Variants in RAB33B observed in about 807,000 individuals in gnomAD.
RAB33B encodes the protein RAB33B, member RAS oncogene family, also known as ras-related protein Rab-33B.
RAB33B carries 6 observed loss-of-function variants against 15.0 expected under a neutral mutation model. The observed-to-expected ratio is 0.40, with a 90% confidence interval of 0.22 to 0.79. The LOEUF is 0.79. Ranked by LOEUF, RAB33B falls within the 30% of genes least tolerant of loss-of-function variation. The probability of loss-of-function intolerance (pLI) is 0.37; values close to 1 mark genes in which losing one functional copy is unlikely to be tolerated. For synonymous variants in RAB33B, 117 were observed against 108.3 expected (o/e 1.08, Z -0.50); for missense variants, 257 against 296.4 (o/e 0.87, Z 0.98).
At chr4:139,464,001 G>C (rs923912996) in intron 1 of RAB33B, among the ~76,000 whole-genome samples, 1 of 152,248 alleles carries the variant, frequency 6.6e-6, no homozygotes, top group African/African-American at 2.4e-5. Context: ...GGCTGGGCAT[G>C]ATGGCTTTTG....
At chr4:139,461,826 C>A (rs949899956) in intron 1 of RAB33B, among the ~76,000 whole-genome samples, 3 of 151,850 alleles carry the variant, frequency 2.0e-5, no homozygotes, top group Admixed American at 2.0e-4. Context: ...ATCGCTTGAA[C>A]CTGGGAGGCA....
At chr4:139,448,119 C>T in the RAB33B span, among the ~76,000 whole-genome samples, 1 of 152,130 alleles carries the variant, frequency 6.6e-6, no homozygotes, top group Non-Finnish European at 1.5e-5. Flanking sequence ...TAAGGTGTCT[C>T]TTAGTATTAC....
chr4:139,442,735 G>T, the RAB33B span, among the ~76,000 whole-genome samples: 1 of 152,056 alleles, frequency 6.6e-6, no homozygotes, highest in East Asian at 1.9e-4. Flanking sequence ...CCTATTGTGG[G>T]ACCTTGTGAT....
At chr4:139,453,670 C>A (rs1013073241), upstream of RAB33B, 2 of 152,332 alleles carry the variant, frequency 1.3e-5, no homozygotes, top group East Asian at 1.9e-4. Context: ...CCGGAGCCGT[C>A]GGCTCCGTCC....
At chr4:139,455,758 G>GA (rs1268352625) in intron 1 of RAB33B, among the ~76,000 whole-genome samples, 1 of 152,196 alleles carries the variant, frequency 6.6e-6, no homozygotes, top group African/African-American at 2.4e-5. Flanking sequence ...CCTTTGGGGT[G>GA]AAAAATAATG....
chr4:139,440,878 T>G, the RAB33B span, among the ~76,000 whole-genome samples: 1 of 152,202 alleles, frequency 6.6e-6, no homozygotes, highest in Non-Finnish European at 1.5e-5. Flanking sequence ...CCCAAAGTGC[T>G]AGGATTACAG....
Position 139,454,340 on chromosome 4 carries a change from C to G in RAB33B, c.145C>G (p.Leu49Val), listed in dbSNP as rs753943143. ...IGDSNVGKTC[L>V]TYRFCAGRFP... ...CGACTCCAATGTGGGCAAGACATGC[C>G]TGACCTACCGCTTCTGCGCTGGCCG... is the stretch of plus-strand genomic sequence containing the variant. The change falls in exon 1 of 2, where the codon CTG (leucine) becomes GTG (valine). Residue 49 changes from leucine to valine, a missense_variant. Transcript: ENST00000305626. 133 of 1,614,038 alleles carry G rather than the reference C, an allele frequency of 8.2e-5. No individual in the cohort carries two copies. Among genetic ancestry groups the G allele is most frequent in the Admixed American group, 1.2e-4 (7 of 60,014 alleles).
At chr4:139,443,349 C>T in the RAB33B span, among the ~76,000 whole-genome samples, 3 of 152,178 alleles carry the variant, frequency 2.0e-5, no homozygotes, top group African/African-American at 7.2e-5. Flanking sequence ...TCCTGATTCA[C>T]CACTTGTGAG....
rs531884289 is a variant in RAB33B at position 139,464,457 on chromosome 4, T to C, written c.250-8229T>C. Among the ~76,000 whole-genome samples, 8 of 147,452 alleles carry C rather than the reference T, an allele frequency of 5.4e-5. No individual in the cohort carries two copies. The East Asian group carries it at 1.7e-3, about 31-fold the overall frequency. ...ATTCAATGTGCAGGTTTGTTACATA[T>C]GTATACATGTGCCATGTTGGTGTGC... On this transcript the variant is annotated intron_variant, in intron 1 of 1. Coordinates refer to ENST00000305626, the MANE Select transcript of RAB33B (RefSeq NM_031296.3).
rs757709966 is a variant in RAB33B at position 139,454,437 on chromosome 4, G to C, written c.242G>C (p.Arg81Pro). 2 of 1,608,036 alleles carry C rather than the reference G, an allele frequency of 1.2e-6. No homozygotes were observed. Among genetic ancestry groups the C allele is most frequent in the Non-Finnish European group, 1.7e-6 (2 of 1,179,822 alleles). ...CGAGCGGTGGAGATTGATGGGGAGC[G>C]CATCAAGGTGAGCGGATGGGGAACT... ...RERAVEIDGERIKIQLWDTAG... is the reference protein window; with the variant it reads ...RERAVEIDGEPIKIQLWDTAG... Residue 81 changes from arginine (R) to proline (P), a missense_variant, in exon 1 of 2, where the codon CGC (arginine) becomes CCC (proline). Arg to Pro is a moderately radical substitution (Grantham distance 103, BLOSUM62 -2). Coordinates refer to ENST00000305626, the MANE Select transcript of RAB33B (RefSeq NM_031296.3).
At chr4:139,443,621 A>G in the RAB33B span, among the ~76,000 whole-genome samples, 1 of 152,250 alleles carries the variant, frequency 6.6e-6, no homozygotes, top group Non-Finnish European at 1.5e-5. Flanking sequence ...GACCTGCAAC[A>G]AAAGGTGCAT....
At position 139,475,485 on chromosome 4, in the gene RAB33B, TTATA is replaced by T. The variant is rs1002224031; in HGVS notation, c.*2365_*2368del. 4 of 151,972 alleles carry T rather than the reference TTATA, an allele frequency of 2.6e-5. No homozygotes were observed. The highest frequency in any genetic ancestry group is 9.7e-5 in the African/African-American group (4 of 41,450). 9.4% of individuals were successfully genotyped at this position (151,972 alleles called of 1,614,324 possible). On this transcript the variant is annotated 3_prime_UTR_variant, in exon 2 of 2. Transcript: ENST00000305626. ...ATTTGTAACAATTTGTTTTAATTTT[TTATA>T]TATATGTTTTTATTTTTAAAAAACA...
the RAB33B span, among the ~76,000 whole-genome samples, chr4:139,440,494 C>A: frequency 7.2e-5 from 11 of 152,204 alleles, no homozygotes; most frequent in African/African-American, 2.4e-4. Flanking sequence ...GTACTTTTTG[C>A]CCCCCTAGCT....
At position 139,454,155 on chromosome 4, in the gene RAB33B, T is replaced by C. The variant is rs773290825; in HGVS notation, c.-41T>C. 6.4e-7 allele frequency: 1 copy of C among 1,574,188 alleles called. No homozygotes were observed. Among genetic ancestry groups the C allele is most frequent in the Non-Finnish European group, 8.6e-7 (1 of 1,159,882 alleles). Reference sequence around the variant, plus strand: ...GTGGCGTAATCTCTCAGCCTTTCTGTGTCTCCTTTCCTCCGCCTCAGTTTG... The same window carrying C: ...GTGGCGTAATCTCTCAGCCTTTCTGCGTCTCCTTTCCTCCGCCTCAGTTTG... On this transcript the variant is annotated 5_prime_UTR_variant, in exon 1 of 2. Coordinates refer to ENST00000305626, the MANE Select transcript of RAB33B (RefSeq NM_031296.3).
Position 139,466,584 on chromosome 4 carries a change from C to CT in RAB33B, c.250-6090dup, listed in dbSNP as rs552134078. Among the ~76,000 whole-genome samples the CT allele has an allele frequency of 8.2e-3, 1,179 of 144,022 alleles. 7 individuals are homozygous for CT. Among genetic ancestry groups the CT allele is most frequent in the African/African-American group, 0.02 (811 of 39,690 alleles). 94.5% of individuals were successfully genotyped at this position (144,022 alleles called of 152,430 possible). On this transcript the variant is annotated intron_variant, in intron 1 of 1. Coordinates refer to ENST00000305626, the MANE Select transcript of RAB33B (RefSeq NM_031296.3). ...TCAAGGGTCTTTTCTTTTCTTTTTT[C>CT]TTTTTTTTTTTTGAGACATAGTCTT...
At position 139,472,883 on chromosome 4, in the gene RAB33B, A is replaced by C; in HGVS notation, c.447A>C (p.Lys149Asn). ...TACCACGGATTCTTGTTGGAAATAA[A>C]TGTGACTTGAGAAGTGCCATACAGG... ...NDIPRILVGN[K>N]CDLRSAIQVP... is the part of the protein sequence containing the mutation. The change falls in exon 2 of 2, where the codon AAA becomes AAC. Residue 149 changes from lysine to asparagine, a missense_variant. Coordinates refer to ENST00000305626, the MANE Select transcript of RAB33B (RefSeq NM_031296.3). 6.2e-7 allele frequency: 1 copy of C among 1,614,222 alleles called. No homozygotes were observed. The highest frequency in any genetic ancestry group is 2.2e-5 in the East Asian group (1 of 44,892).
At chr4:139,466,626 T>A (rs979178410) in intron 1 of RAB33B, among the ~76,000 whole-genome samples, 1 of 152,042 alleles carries the variant, frequency 6.6e-6, no homozygotes, top group African/African-American at 2.4e-5. Context: ...TCACCCAGGC[T>A]GGAGTGCAGT....
chr4:139,470,311 G>A lies in RAB33B; in HGVS notation c.250-2375G>A, dbSNP rs540486510. 1.1e-4 allele frequency among the ~76,000 whole-genome samples: 16 copies of A among 152,264 alleles called. 1 individual carries two copies. In the South Asian group the frequency reaches 3.3e-3, roughly 32 times the overall value. On this transcript the variant is annotated intron_variant, in intron 1 of 1. Transcript: ENST00000305626. The stretch of plus-strand genomic sequence containing the variant: ...CCCTCCCATTTCCAAAGACAGAGGA[G>A]CTTCCCACTTGTAGCCATTGCCACT...
chr4:139,443,959 TATA>T, the RAB33B span, among the ~76,000 whole-genome samples: 8 of 152,198 alleles, frequency 5.3e-5, no homozygotes, highest in African/African-American at 1.9e-4. Context: ...CTTCTGGATC[TATA>T]ACAAGACTAA....
Sources: gnomAD v4.1 joint callset for allele counts (sites outside exome capture counted in the v4.1 genomes callset) on GRCh38, gnomAD v4.1.1 for gene constraint, MANE v1.5 for transcripts, NCBI Gene and HGNC (gene_info 2026-07-23, HGNC 2026-07-21) for gene names.